Variants in DIP2A observed in about 807,000 individuals in gnomAD.
DIP2A encodes DIP2 acetate--CoA ligase A, also known as disco-interacting protein 2 homolog A.
A neutral mutation model predicts 177.4 loss-of-function variants in DIP2A; 85 were observed. That is an observed-to-expected ratio of 0.48 (90% CI 0.40 to 0.57). The LOEUF (loss-of-function observed/expected upper bound fraction) is 0.57. DIP2A is among the 20% of genes least tolerant of loss of function. The probability of loss-of-function intolerance (pLI) is 0.00; values close to 1 mark genes in which losing one functional copy is unlikely to be tolerated. For synonymous variants in DIP2A, 886 were observed against 881.8 expected, an observed-to-expected ratio of 1.00 and a Z score of -0.08; for missense variants, 1,791 against 2,100.2, an observed-to-expected ratio of 0.85 and a Z score of 2.88.
At chr21:46,481,065 A>G (rs933821015) in intron 1 of DIP2A, among the ~76,000 whole-genome samples, 2 of 152,186 alleles carry the variant, frequency 1.3e-5, no homozygotes, top group African/African-American at 4.8e-5. Flanking sequence ...ACTCTAAAAC[A>G]TAATAAAAGA....
chr21:46,523,393 A>ATTTTTTTTTT (rs61370008), intron 8 of DIP2A, among the ~76,000 whole-genome samples: 2,601 of 89,984 alleles, frequency 0.029, 3 homozygotes, highest in African/African-American at 0.032. Flanking sequence ...CGCCTGGCTA[A>ATTTTTTTTTT]TTTTTTTTTT....
chr21:46,556,372 G>A lies in DIP2A; in HGVS notation c.3498+281G>A. On this transcript the variant is annotated intron_variant, in intron 29 of 37. Transcript: ENST00000417564. This position sits in a 1 kb window ranked among gnomAD's most constrained non-coding sequence, Gnocchi z 4.5. ...GCTTTGAAGAATCTCTTACCTTGCT[G>A]GGAGTCAATAGCTCAATTAAAATTT... 1 of 1,400,360 alleles carries A rather than the reference G, an allele frequency of 7.1e-7. No homozygotes were observed. The highest frequency in any genetic ancestry group is 1.2e-5 in the South Asian group (1 of 81,830). 86.7% of individuals were successfully genotyped at this position (1,400,360 alleles called of 1,614,324 possible). A position where few individuals can be genotyped will look rare whatever the true frequency, so the allele number is the denominator to read the frequency against.
intron 8 of DIP2A, among the ~76,000 whole-genome samples, chr21:46,525,311 A>G (rs902627665): frequency 2.6e-5 from 4 of 152,130 alleles, no homozygotes; most frequent in African/African-American, 7.2e-5. Context: ...TTCACCTGGA[A>G]TGTGTTTTTG....
downstream of DIP2A, among the ~76,000 whole-genome samples, chr21:46,573,491 C>T (rs1245850500): frequency 6.7e-6 from 1 of 150,310 alleles, no homozygotes; most frequent in African/African-American, 2.5e-5. Context: ...GAGACCACAT[C>T]TCTACCAAAA....
At chr21:46,530,717 G>A (rs745790799) in intron 9 of DIP2A, among the ~76,000 whole-genome samples, 1 of 152,220 alleles carries the variant, frequency 6.6e-6, no homozygotes, top group African/African-American at 2.4e-5. Flanking sequence ...ACAATATCCC[G>A]GACCTGGAGA....
chr21:46,576,476 A>G, the DIP2A span, among the ~76,000 whole-genome samples: 1 of 152,214 alleles, frequency 6.6e-6, no homozygotes. Flanking sequence ...ATGATTGAAT[A>G]GTATTCCATG....
At chr21:46,555,049 C>G (rs1380937094) in intron 28 of DIP2A, 116 bp downstream of exon 28, 1 of 1,095,244 alleles carries the variant, frequency 9.1e-7, no homozygotes, top group Non-Finnish European at 1.3e-6. Flanking sequence ...CTGGCAGGAG[C>G]CTGGCTGACA....
chr21:46,480,740 G>T (rs1457748350), intron 1 of DIP2A, among the ~76,000 whole-genome samples: 1 of 152,232 alleles, frequency 6.6e-6, no homozygotes, highest in African/African-American at 2.4e-5. Context: ...GGTCTCTGGT[G>T]TGTATCTGAT....
chr21:46,533,931 G>C, intron 11 of DIP2A, 73 bp from the exon 12 acceptor site: 2 of 1,282,276 alleles, frequency 1.6e-6, no homozygotes, highest in Non-Finnish European at 2.2e-6. Context: ...GCATGTTGGA[G>C]GCGCAGGCTT....
chr21:46,498,481 C>T lies in DIP2A; in HGVS notation c.404-101C>T. Reference sequence around the variant, plus strand: ...CAGAGCTGTGCCAGGTGTACAGAAGCATGCTGCACACAGGTCTGGGAGGCT... The same window carrying T: ...CAGAGCTGTGCCAGGTGTACAGAAGTATGCTGCACACAGGTCTGGGAGGCT... On this transcript the variant is annotated intron_variant, in intron 4 of 37. Transcript: ENST00000417564. This position sits in a 1 kb window ranked among gnomAD's most constrained non-coding sequence, Gnocchi z 4.3. The T allele has an allele frequency of 7.2e-7, 1 of 1,385,358 alleles. No homozygotes were observed. Among genetic ancestry groups the T allele is most frequent in the African/African-American group, 1.4e-5 (1 of 69,936 alleles). The allele number at this position is 1,385,358 out of a possible 1,614,324, so 85.8% of individuals were successfully genotyped here. A position where few individuals can be genotyped will look rare whatever the true frequency, so the allele number is the denominator to read the frequency against.
At chr21:46,464,844 T>TTTTTTTTTTTTTTTTTC (rs58546395) in intron 1 of DIP2A, among the ~76,000 whole-genome samples, 5 of 111,232 alleles carry the variant, frequency 4.5e-5, no homozygotes, top group African/African-American at 1.3e-4. Flanking sequence ...TTTTTTTTTT[T>TTTTTTTTTTTTTTTTTC]CAAGAAAACA....
At chr21:46,506,375 C>T (rs1227287982) in intron 6 of DIP2A, among the ~76,000 whole-genome samples, 1 of 152,210 alleles carries the variant, frequency 6.6e-6, no homozygotes, top group African/African-American at 2.4e-5. Context: ...GCCTTGGCCA[C>T]CTAAAGTACT....
At chr21:46,484,633 AT>A in intron 1 of DIP2A, 123 bp from the exon 2 acceptor site, 1 of 792,386 alleles carries the variant, frequency 1.3e-6, no homozygotes, top group Non-Finnish European at 1.9e-6. Flanking sequence ...ATTATAGTTT[AT>A]TTGTCCAGAC....
intron 37 of DIP2A, 53 bp from the exon 38 acceptor site, chr21:46,567,317 C>A (rs959717906): frequency 1.3e-6 from 2 of 1,560,498 alleles, no homozygotes; most frequent in East Asian, 4.5e-5. Flanking sequence ...CATTCATTGG[C>A]CCCTGTGACC....
chr21:46,546,010 G>A (rs912224534), intron 20 of DIP2A, 49 bp downstream of exon 20: 2 of 1,613,440 alleles, frequency 1.2e-6, no homozygotes, highest in African/African-American at 1.3e-5. Context: ...AAGGTAGGGG[G>A]TGTGGCTAAG....
chr21:46,504,297 G>T (rs2148576717), intron 5 of DIP2A, 64 bp from the exon 6 acceptor site: 3 of 1,594,950 alleles, frequency 1.9e-6, no homozygotes, highest in South Asian at 1.1e-5. Context: ...GGGGTTTCAA[G>T]AGCAGCTTAA....
At chr21:46,582,301 G>A in the DIP2A span, among the ~76,000 whole-genome samples, 1 of 152,122 alleles carries the variant, frequency 6.6e-6, no homozygotes, top group African/African-American at 2.4e-5. Flanking sequence ...CACCAGCAGA[G>A]GAAAACGGCA....
chr21:46,551,535 A>T, intron 23 of DIP2A, 99 bp from the exon 24 acceptor site: 1 of 1,062,372 alleles, frequency 9.4e-7, no homozygotes, highest in African/African-American at 1.6e-5. Context: ...TAAATGCCTC[A>T]TTCAAGTATG....
intron 34 of DIP2A, 170 bp downstream of exon 34, chr21:46,561,975 A>G (rs2060680564): frequency 1.1e-6 from 1 of 935,990 alleles, no homozygotes; most frequent in Non-Finnish European, 1.3e-6. Flanking sequence ...TGGCTGGTAT[A>G]TAGAATTACT....
Sources: gnomAD v4.1 joint callset for allele counts (sites outside exome capture counted in the v4.1 genomes callset) on GRCh38, gnomAD v4.1.1 for gene constraint, Gnocchi (gnomAD v3.1) non-coding constraint, MANE v1.5 for transcripts, NCBI Gene and HGNC (gene_info 2026-07-23, HGNC 2026-07-21) for gene names.